The following FRMD8 variants were observed in gnomAD, a reference collection of about 807,000 sequenced individuals.
FRMD8 encodes the protein FERM domain-containing protein 8.
Under a neutral mutation model 54.2 loss-of-function variants are expected in FRMD8, and 37 were observed. The observed-to-expected ratio is 0.68, with a 90% CI of 0.53 to 0.90. FRMD8 has a LOEUF of 0.90. Ranked by LOEUF, FRMD8 falls within the 40% of genes least tolerant of loss-of-function variation. FRMD8 has a pLI of 0.00. For synonymous variants in FRMD8, 246 were observed against 286.9 expected, an observed-to-expected ratio of 0.86 and a Z score of 1.44; for missense variants, 585 against 653.7, an observed-to-expected ratio of 0.89 and a Z score of 1.15.
At chr11:65,369,122 C>G in the FRMD8 span, among the ~76,000 whole-genome samples, 1 of 152,266 alleles carries the variant, frequency 6.6e-6, no homozygotes, top group South Asian at 2.1e-4. Context: ...CCGCCCCAAG[C>G]CTACTGAACC....
At chr11:65,406,659 G>T (rs1856204907) in intron 10 of FRMD8, among the ~76,000 whole-genome samples, 1 of 151,806 alleles carries the variant, frequency 6.6e-6, no homozygotes, top group Non-Finnish European at 1.5e-5. Flanking sequence ...GAATACCCTG[G>T]CCGGGCGCAG....
rs1323193005 is a variant in FRMD8, at chr11:65,404,046, G to A, written c.1072-818G>A. Among the ~76,000 whole-genome samples, 6 of 152,138 alleles carry A rather than the reference G, an allele frequency of 3.9e-5. No homozygotes were observed. The highest frequency in any genetic ancestry group is 5.9e-5 in the Non-Finnish European group (4 of 68,004). Reference sequence around the variant, plus strand: ...AGGCCTCTGCTCTTCCTTCTGGGCCGAGCAGCGGTGCCCACCTGCCCAGCC... The same window carrying A: ...AGGCCTCTGCTCTTCCTTCTGGGCCAAGCAGCGGTGCCCACCTGCCCAGCC... On this transcript the variant is annotated intron_variant, in intron 9 of 10. Transcript: ENST00000317568. The surrounding 1 kb of genome is among the most constrained non-coding windows in gnomAD (Gnocchi z 4.7).
chr11:65,376,325 C>T, the FRMD8 span: 2 of 1,519,232 alleles, frequency 1.3e-6, no homozygotes, highest in Middle Eastern at 1.7e-4. Context: ...CACTGATTTG[C>T]AAGCTTTCAA....
At chr11:65,394,161 C>G in intron 5 of FRMD8, 62 bp downstream of exon 5, 1 of 1,606,076 alleles carries the variant, frequency 6.2e-7, no homozygotes, top group Admixed American at 1.7e-5. Context: ...CTCCCTGTCC[C>G]TAGACCCCTG....
chr11:65,411,227 C>G lies in FRMD8; in HGVS notation c.1277-15C>G. 1.9e-6 allele frequency: 3 copies of G among 1,599,692 alleles called. No homozygotes were observed. The highest frequency in any genetic ancestry group is 2.3e-4 in the Middle Eastern group (1 of 4,428). On this transcript the variant is annotated splice_polypyrimidine_tract_variant and intron_variant, in intron 10 of 10. Transcript: ENST00000317568. Reference sequence around the variant, plus strand: ...ACAGCGCCTCTGCTCAGTGTGCCCTCCCATTCCCTCGCAGGCAAGGGGATC... The same window carrying G: ...ACAGCGCCTCTGCTCAGTGTGCCCTGCCATTCCCTCGCAGGCAAGGGGATC...
At chr11:65,372,330 C>G in the FRMD8 span, among the ~76,000 whole-genome samples, 15 of 152,156 alleles carry the variant, frequency 9.9e-5, no homozygotes, top group African/African-American at 3.1e-4. Flanking sequence ...GTTATTTGCT[C>G]ACTAATCACA....
intron 10 of FRMD8, among the ~76,000 whole-genome samples, chr11:65,406,067 G>A (rs948042739): frequency 2.6e-5 from 4 of 151,518 alleles, no homozygotes; most frequent in Admixed American, 6.6e-5. Flanking sequence ...TCACTCTGTC[G>A]CCCAGGCTGG....
chr11:65,401,662 C>A (rs1856085387), intron 9 of FRMD8, among the ~76,000 whole-genome samples: 1 of 145,406 alleles, frequency 6.9e-6, no homozygotes, highest in East Asian at 2.0e-4. Context: ...AGCTTAACTA[C>A]ATGCTCCTGG....
intron 3 of FRMD8, among the ~76,000 whole-genome samples, 171 bp from the exon 4 acceptor site, chr11:65,393,402 A>G (rs1855880348): frequency 6.6e-6 from 1 of 152,122 alleles, no homozygotes; most frequent in Non-Finnish European, 1.5e-5. Context: ...CATTTGCTCT[A>G]TGGGTGAAAT....
In FRMD8 at chr11:65,394,397, CCCGG is replaced by C. The variant is rs773657175; in HGVS notation, c.563_566del (p.Pro188GlnfsTer5). The C allele has an allele frequency of 6.4e-7, 1 of 1,570,300 alleles. No homozygotes were observed. Among genetic ancestry groups the C allele is most frequent in the Non-Finnish European group, 8.6e-7 (1 of 1,160,014 alleles). On this transcript the variant is annotated frameshift_variant, in exon 6 of 11. Transcript: ENST00000317568. LOFTEE classifies it high-confidence loss of function. Reference sequence around the variant, plus strand: ...CCGCGTGCAGCTTGGGCCCTACCAGCCCGGCCGGCCGGCAGCCTGCGACCTGAGG... The same window carrying C: ...CCGCGTGCAGCTTGGGCCCTACCAGCCCGGCCGGCAGCCTGCGACCTGAGG...
chr11:65,398,489 G>T (rs140292824), intron 7 of FRMD8, among the ~76,000 whole-genome samples: 1 of 152,354 alleles, frequency 6.6e-6, no homozygotes, highest in Non-Finnish European at 1.5e-5. Flanking sequence ...AGGGGCCCTG[G>T]GCCCCCCAGC....
chr11:65,387,222 A>G (rs1409093245), intron 2 of FRMD8, 101 bp downstream of exon 2: 3 of 975,806 alleles, frequency 3.1e-6, no homozygotes. Context: ...TAATTTATGT[A>G]TCGACTAAGA....
rs1318129977 is a variant in FRMD8, at chr11:65,413,071, A to G, written c.*1711A>G. 2.0e-5 allele frequency: 3 copies of G among 152,126 alleles called. No homozygotes were observed. Among genetic ancestry groups the G allele is most frequent in the Non-Finnish European group, 4.4e-5 (3 of 68,042 alleles). The allele number at this position is 152,126 out of a possible 1,614,324, so 9.4% of individuals were successfully genotyped here. On this transcript the variant is annotated 3_prime_UTR_variant, in exon 11 of 11. Transcript: ENST00000317568. ...GGAGTGCAGTGGCGCATCTCGGCTCACTGCAACCTCTGTCTCAAGCGATTC... is the reference window on the plus strand; with the variant it reads ...GGAGTGCAGTGGCGCATCTCGGCTCGCTGCAACCTCTGTCTCAAGCGATTC...
chr11:65,370,028 T>A, the FRMD8 span, among the ~76,000 whole-genome samples: 1 of 150,558 alleles, frequency 6.6e-6, no homozygotes, highest in African/African-American at 2.4e-5. Flanking sequence ...TAAAACTCTG[T>A]CTCCAAAAAA....
At chr11:65,380,607 A>C in the FRMD8 span, 1 of 1,293,396 alleles carries the variant, frequency 7.7e-7, no homozygotes, top group Non-Finnish European at 1.0e-6. Flanking sequence ...CCCTGCTGCC[A>C]GCTGGCCACG....
chr11:65,391,292 CTT>C (rs1320092922), intron 3 of FRMD8, among the ~76,000 whole-genome samples: 1 of 152,152 alleles, frequency 6.6e-6, no homozygotes, highest in Non-Finnish European at 1.5e-5. Flanking sequence ...AGGAAGGAGT[CTT>C]TTGAGCTGCT....
chr11:65,385,083 C>T, upstream of FRMD8, among the ~76,000 whole-genome samples: 1 of 152,136 alleles, frequency 6.6e-6, no homozygotes, highest in East Asian at 1.9e-4. Context: ...GGCCACGTCT[C>T]CCCTCAGTCT....
At chr11:65,379,384 A>AC in the FRMD8 span, 4 of 1,608,618 alleles carry the variant, frequency 2.5e-6, no homozygotes, top group East Asian at 2.2e-5. Context: ...ACCTGCAGGA[A>AC]CCCCCCGGTG....
rs772669781 is a variant in FRMD8 at position 65,399,709 on chromosome 11, G to A, written c.804-27G>A. ...TCCCTCAGCATTTCTGGTGCTGGCC[G>A]GAGGCTGACCCCAGTCCCCTCCCCA... On this transcript the variant is annotated intron_variant, in intron 7 of 10. Coordinates refer to ENST00000317568, the MANE Select transcript of FRMD8 (RefSeq NM_031904.5). 14 of 1,611,568 alleles carry A rather than the reference G, an allele frequency of 8.7e-6. No homozygotes were observed. In the South Asian group the frequency reaches 8.8e-5, roughly 10 times the overall value.
Sources: allele counts gnomAD v4.1 joint callset (sites outside exome capture counted in the v4.1 genomes callset), GRCh38; gene constraint gnomAD v4.1.1; non-coding constraint Gnocchi (gnomAD v3.1); transcripts MANE v1.5; gene names NCBI Gene and HGNC (gene_info 2026-07-23, HGNC 2026-07-21).